The following ST3GAL2 variants were observed in gnomAD, a reference collection of about 807,000 sequenced individuals.
ST3GAL2 encodes CMP-N-acetylneuraminate-beta-galactosamide-alpha-2,3-sialyltransferase 2.
A neutral mutation model predicts 37.5 loss-of-function variants in ST3GAL2; 16 were observed. The ratio of observed to expected loss-of-function variants is 0.43; its 90% confidence interval spans 0.29 to 0.65. The LOEUF is 0.65. ST3GAL2 is among the 30% of genes least tolerant of loss of function. ST3GAL2 has a pLI of 0.17. For missense variants in ST3GAL2, 383 were observed against 487.8 expected (o/e 0.79, Z 2.02); for synonymous variants, 238 against 202.9 (o/e 1.17, Z -1.47).
In ST3GAL2 at chr16:70,398,719, G is replaced by A. The variant is rs953259968; in HGVS notation, c.-189C>T. On this transcript the variant is annotated 5_prime_UTR_variant, in exon 2 of 7. Transcript: ENST00000342907. ...ATGTAGGGAGAACACACGTTGGCAG[G>A]AGTGGCTGTCCTGTCCCTGAGTCAG... The A allele has an allele frequency of 1.6e-6, 1 of 630,156 alleles. No homozygotes were observed. Among genetic ancestry groups the A allele is most frequent in the Non-Finnish European group, 2.7e-6 (1 of 364,474 alleles). 39.0% of individuals were successfully genotyped at this position (630,156 alleles called of 1,614,324 possible).
At chr16:70,426,617 T>C (rs1207194926) in intron 1 of ST3GAL2, among the ~76,000 whole-genome samples, 2 of 151,814 alleles carry the variant, frequency 1.3e-5, no homozygotes, top group East Asian at 3.9e-4. Flanking sequence ...GTTCAAGCGA[T>C]TCTCCTGCCT....
At position 70,381,347 on chromosome 16, in the gene ST3GAL2, C is replaced by A. The variant is rs188152946; in HGVS notation, c.*342G>T. On this transcript the variant is annotated 3_prime_UTR_variant, in exon 7 of 7. Coordinates refer to ENST00000342907, the MANE Select transcript of ST3GAL2 (RefSeq NM_006927.4). ...GCTTCGCCGAGGCCCGCGCCATGCT[C>A]TCCTCCTCAGAAAGCGTGAAAGAAA... The A allele has an allele frequency of 1.4e-4, 31 of 220,900 alleles. No homozygotes were observed. The highest frequency in any genetic ancestry group is 1.8e-3 in the Middle Eastern group (1 of 570). The allele number at this position is 220,900 out of a possible 1,614,324, so 13.7% of individuals were successfully genotyped here.
chr16:70,401,348 G>A (rs1397778147), intron 1 of ST3GAL2, among the ~76,000 whole-genome samples: 1 of 152,208 alleles, frequency 6.6e-6, no homozygotes, highest in Non-Finnish European at 1.5e-5. Flanking sequence ...CTGTTAGGGA[G>A]GGGAAAATCC....
At chr16:70,431,742 T>C (rs1486107662) in intron 1 of ST3GAL2, among the ~76,000 whole-genome samples, 1 of 151,362 alleles carries the variant, frequency 6.6e-6, no homozygotes, top group Non-Finnish European at 1.5e-5. Context: ...GGCGGGCAGA[T>C]CACGAGGTCA....
At chr16:70,418,929 G>T (rs951968566) in intron 1 of ST3GAL2, among the ~76,000 whole-genome samples, 2 of 152,188 alleles carry the variant, frequency 1.3e-5, no homozygotes, top group Non-Finnish European at 2.9e-5. Context: ...ACAACCCCGA[G>T]CAAGGGCACA....
chr16:70,406,485 T>C (rs2047593026), intron 1 of ST3GAL2, among the ~76,000 whole-genome samples: 1 of 151,864 alleles, frequency 6.6e-6, no homozygotes, highest in South Asian at 2.1e-4. Flanking sequence ...CACTCCAGCC[T>C]GGGCTGGAGT....
rs995294133 is a variant in ST3GAL2, at chr16:70,406,655, G to A, written c.-1003-7122C>T. 2.0e-5 allele frequency among the ~76,000 whole-genome samples: 3 copies of A among 151,100 alleles called. 1 individual carries two copies. The highest frequency in any genetic ancestry group is 4.4e-5 in the Non-Finnish European group (3 of 67,858). ...AAATTAGCTGGGTGTGGTGGCATGC[G>A]CCTGTAATCCCGCTACTTCGGAGGC... is the stretch of plus-strand genomic sequence containing the variant. On this transcript the variant is annotated intron_variant, in intron 1 of 6. Coordinates refer to ENST00000342907, the MANE Select transcript of ST3GAL2 (RefSeq NM_006927.4).
Position 70,398,619 on chromosome 16 carries a change from AC to A in ST3GAL2, c.-90del. 1 of 1,321,290 alleles carries A rather than the reference AC, an allele frequency of 7.6e-7. No homozygotes were observed. The highest frequency in any genetic ancestry group is 1.0e-6 in the Non-Finnish European group (1 of 973,620). The allele number at this position is 1,321,290 out of a possible 1,614,324, so 81.8% of individuals were successfully genotyped here. ...CACGGCGTAGCCTGCCTATTCTGGC[AC>A]CACATGCAAAGGGCATAGGGGCACG... On this transcript the variant is annotated 5_prime_UTR_variant, in exon 2 of 7. The change abolishes the stop of an existing upstream ORF in the 5' untranslated region. Transcript: ENST00000342907.
At chr16:70,435,523 G>A (rs933604152) in intron 1 of ST3GAL2, among the ~76,000 whole-genome samples, 1 of 152,128 alleles carries the variant, frequency 6.6e-6, no homozygotes, top group Non-Finnish European at 1.5e-5. Context: ...ACTTGAACCC[G>A]GGAGGTGGAG....
chr16:70,411,619 C>T (rs979366840), intron 1 of ST3GAL2, among the ~76,000 whole-genome samples: 18 of 152,168 alleles, frequency 1.2e-4, no homozygotes, highest in Non-Finnish European at 2.9e-5. Flanking sequence ...GACCTCCACA[C>T]TTCTTGTTAT....
At chr16:70,394,197 T>C (rs2047500401) in intron 3 of ST3GAL2, among the ~76,000 whole-genome samples, 1 of 152,154 alleles carries the variant, frequency 6.6e-6, no homozygotes, top group Non-Finnish European at 1.5e-5. Context: ...ATAGAGGTCT[T>C]GGGAATGAAT....
intron 1 of ST3GAL2, among the ~76,000 whole-genome samples, chr16:70,405,637 T>C (rs2047586197): frequency 6.8e-6 from 1 of 147,282 alleles, no homozygotes; most frequent in South Asian, 2.3e-4. Context: ...AATAGGCAAA[T>C]CCATAGAGAC....
At chr16:70,400,510 G>A in intron 1 of ST3GAL2, 1 of 152,432 alleles carries the variant, frequency 6.6e-6, no homozygotes, top group Non-Finnish European at 1.5e-5. Context: ...GAAGTCTCCA[G>A]CCCACTTTTG....
At chr16:70,397,043 C>CTT (rs35885469) in intron 2 of ST3GAL2, among the ~76,000 whole-genome samples, 47,873 of 130,232 alleles carry the variant, frequency 0.37, 10,259 homozygotes, top group East Asian at 0.53. Flanking sequence ...TCTTTTCTTT[C>CTT]TTTTTTTTTT....
At chr16:70,388,228 C>T in intron 4 of ST3GAL2, 139 bp downstream of exon 4, 1 of 1,059,434 alleles carries the variant, frequency 9.4e-7, no homozygotes, top group Non-Finnish European at 1.4e-6. Context: ...AGCTCACCCA[C>T]CAACTTAGGC....
rs537268008 is a variant in ST3GAL2 at position 70,381,172 on chromosome 16, T to C, written c.*517A>G. On this transcript the variant is annotated 3_prime_UTR_variant, in exon 7 of 7. Coordinates refer to ENST00000342907, the MANE Select transcript of ST3GAL2 (RefSeq NM_006927.4). ...GGACTGGGGGTCCCGCAGCGACCGC[T>C]TTTCTTTGGTGGGTCTGCACGCACC... 2.0e-5 allele frequency: 3 copies of C among 152,494 alleles called. No individual in the cohort carries two copies. In the East Asian group the frequency reaches 5.8e-4, roughly 30 times the overall value. 9.4% of individuals were successfully genotyped at this position (152,494 alleles called of 1,614,324 possible).
chr16:70,417,692 G>A (rs899770086), intron 1 of ST3GAL2, among the ~76,000 whole-genome samples: 14 of 152,340 alleles, frequency 9.2e-5, no homozygotes, highest in Admixed American at 7.8e-4. Context: ...AGGTAGGAGA[G>A]AGGGGGATGA....
chr16:70,377,855 A>ATTC lies in ST3GAL2; in HGVS notation c.*3833_*3834insGAA, dbSNP rs1274460584. ...AAAAAATATAAGCAACCAGGAGTGA[A>ATTC]ACACACCTGTGGAGGCAGGGAACTC... On this transcript the variant is annotated 3_prime_UTR_variant, in exon 7 of 7. Coordinates refer to ENST00000342907, the MANE Select transcript of ST3GAL2 (RefSeq NM_006927.4). The ATTC allele has an allele frequency of 6.6e-6, 1 of 152,096 alleles. No homozygotes were observed. Among genetic ancestry groups the ATTC allele is most frequent in the Non-Finnish European group, 1.5e-5 (1 of 68,014 alleles). 9.4% of individuals were successfully genotyped at this position (152,096 alleles called of 1,614,324 possible). A position where few individuals can be genotyped will look rare whatever the true frequency, so the allele number is the denominator to read the frequency against.
chr16:70,399,724 G>A, intron 1 of ST3GAL2, 191 bp from the exon 2 acceptor site: 1 of 331,440 alleles, frequency 3.0e-6, no homozygotes, highest in East Asian at 4.7e-5. Context: ...GGGCCTGGAG[G>A]ACTAGATTAG....
Sources: allele counts gnomAD v4.1 joint callset (sites outside exome capture counted in the v4.1 genomes callset), GRCh38; gene constraint gnomAD v4.1.1; transcripts MANE v1.5; gene names NCBI Gene and HGNC (gene_info 2026-07-23, HGNC 2026-07-21).